Variants in ZNF541 observed in about 807,000 individuals in gnomAD.
ZNF541 encodes zinc finger protein 541.
A neutral mutation model predicts 123.5 loss-of-function variants in ZNF541; 23 were observed. That is an observed-to-expected ratio of 0.19 (90% CI 0.13 to 0.26). ZNF541 has a LOEUF of 0.26. Ranked by LOEUF, ZNF541 falls within the 10% of genes least tolerant of loss-of-function variation. The probability of loss-of-function intolerance (pLI) is 1.00; values close to 1 mark genes in which losing one functional copy is unlikely to be tolerated. For missense variants in ZNF541, 1,612 were observed against 1,789.9 expected (o/e 0.90, Z 1.79); for synonymous variants, 751 against 754.5 (o/e 1.00, Z 0.08).
intron 2 of ZNF541, among the ~76,000 whole-genome samples, chr19:47,571,148 T>G (rs1318120860): frequency 6.6e-6 from 1 of 151,442 alleles, no homozygotes; most frequent in African/African-American, 2.4e-5. Context: ...AGTCTCGCTC[T>G]GTTGCCCAGG....
At chr19:47,546,526 CA>C (rs1362298602) in intron 4 of ZNF541, among the ~76,000 whole-genome samples, 1 of 150,912 alleles carries the variant, frequency 6.6e-6, no homozygotes, top group Non-Finnish European at 1.5e-5. Flanking sequence ...AACAAACAAA[CA>C]AATAAATAAA....
intron 2 of ZNF541, among the ~76,000 whole-genome samples, chr19:47,561,820 T>C (rs1971074846): frequency 1.3e-5 from 2 of 151,792 alleles, no homozygotes; most frequent in African/African-American, 2.4e-5. Context: ...AAGAACACAA[T>C]CTTTACAAAA....
In ZNF541 at chr19:47,538,251, T is replaced by C; in HGVS notation, c.2985A>G (p.Thr995=). 6.4e-7 allele frequency: 1 copy of C among 1,551,356 alleles called. No homozygotes were observed. The highest frequency in any genetic ancestry group is 8.7e-7 in the Non-Finnish European group (1 of 1,146,872). ...GGATGGGGCTGAGCATTGGGGGTGGTGTGTAGGGGGAGCACTGGAATAAGC... is the reference window on the plus strand; with the variant it reads ...GGATGGGGCTGAGCATTGGGGGTGGCGTGTAGGGGGAGCACTGGAATAAGC... ...LKGLFQCSPY[T]PPPMLSPIRE... The change falls in exon 9 of 17, where the codon ACA becomes ACG. Residue 995 remains threonine (T), a synonymous_variant. Coordinates refer to ENST00000391901, the MANE Select transcript of ZNF541 (RefSeq NM_001277075.3).
At chr19:47,550,665 A>C (rs1970561086) in intron 3 of ZNF541, among the ~76,000 whole-genome samples, 1 of 152,218 alleles carries the variant, frequency 6.6e-6, no homozygotes, top group African/African-American at 2.4e-5. Flanking sequence ...CAGTGTATAC[A>C]GGAGACAGCA....
intron 5 of ZNF541, among the ~76,000 whole-genome samples, chr19:47,542,229 G>A (rs1479441353): frequency 1.3e-5 from 2 of 152,170 alleles, no homozygotes; most frequent in Non-Finnish European, 2.9e-5. Flanking sequence ...GCCCTGGGGG[G>A]AGGGCGAGAT....
intron 5 of ZNF541, among the ~76,000 whole-genome samples, chr19:47,542,557 CAGG>C (rs1970127102): frequency 6.6e-6 from 1 of 151,928 alleles, no homozygotes; most frequent in South Asian, 2.1e-4. Context: ...AAGGCCCAGG[CAGG>C]AGAATTGCTT....
chr19:47,559,991 G>A (rs983436569), intron 2 of ZNF541, among the ~76,000 whole-genome samples: 5 of 152,146 alleles, frequency 3.3e-5, no homozygotes, highest in African/African-American at 1.2e-4. Context: ...TGGGTTCCCT[G>A]GTGCTGGAGG....
At chr19:47,525,792 T>G (rs1375598503) in intron 14 of ZNF541, among the ~76,000 whole-genome samples, 1 of 152,044 alleles carries the variant, frequency 6.6e-6, no homozygotes, top group Non-Finnish European at 1.5e-5. Flanking sequence ...GGCATGTGCC[T>G]GTAGTCGCAG....
intron 2 of ZNF541, among the ~76,000 whole-genome samples, chr19:47,571,383 A>T (rs974224108): frequency 6.6e-6 from 1 of 152,218 alleles, no homozygotes; most frequent in African/African-American, 2.4e-5. Flanking sequence ...TACAGGCATG[A>T]GCCACTGCGC....
chr19:47,541,679 G>GA (rs1344296658), intron 5 of ZNF541, among the ~76,000 whole-genome samples: 1 of 152,170 alleles, frequency 6.6e-6, no homozygotes, highest in Non-Finnish European at 1.5e-5. Context: ...CAGCCACGGG[G>GA]AAATACAAAT....
At position 47,555,779 on chromosome 19, in the gene ZNF541, C is replaced by T. The variant is rs571079552; in HGVS notation, c.78G>A (p.Gly26=). 1 of 1,551,678 alleles carries T rather than the reference C, an allele frequency of 6.4e-7. No homozygotes were observed. The highest frequency in any genetic ancestry group is 8.7e-7 in the Non-Finnish European group (1 of 1,147,002). Residue 26 remains glycine, a synonymous_variant, in exon 3 of 17, where the codon GGG becomes GGA. Coordinates refer to ENST00000391901, the MANE Select transcript of ZNF541 (RefSeq NM_001277075.3). ...GGTTGAGGGTGTCGCTGCAGTTGAG[C>T]CCTTGGCTCTCTGAAAATGAAGGGA... ...MHLPSFSESQ[G]LNCSDTLNRD...
At chr19:47,550,900 T>A (rs1970570502) in intron 3 of ZNF541, among the ~76,000 whole-genome samples, 1 of 152,230 alleles carries the variant, frequency 6.6e-6, no homozygotes, top group Admixed American at 6.5e-5. Context: ...ACATAGGGTT[T>A]GGCCTTGCTC....
At chr19:47,554,919 C>A (rs1970751004) in intron 3 of ZNF541, among the ~76,000 whole-genome samples, 1 of 151,956 alleles carries the variant, frequency 6.6e-6, no homozygotes. Context: ...TATGATGAAA[C>A]CCCATCTCTA....
chr19:47,526,608 G>A (rs1301515474), intron 14 of ZNF541, among the ~76,000 whole-genome samples: 1 of 151,958 alleles, frequency 6.6e-6, no homozygotes, highest in Non-Finnish European at 1.5e-5. Context: ...GCTCAGCATC[G>A]TCAGTTGTGA....
intron 2 of ZNF541, among the ~76,000 whole-genome samples, chr19:47,566,036 G>A (rs886513292): frequency 2.0e-5 from 3 of 152,136 alleles, no homozygotes; most frequent in Admixed American, 1.3e-4. Context: ...AATTAGCCGC[G>A]CATGGTGGTG....
intron 4 of ZNF541, among the ~76,000 whole-genome samples, chr19:47,547,828 C>A (rs1970419012): frequency 6.6e-6 from 1 of 151,994 alleles, no homozygotes; most frequent in South Asian, 2.1e-4. Context: ...AATCCCAGCA[C>A]TTTGGGGAGG....
chr19:47,541,377 A>G (rs1043065887), intron 5 of ZNF541, among the ~76,000 whole-genome samples: 1 of 152,114 alleles, frequency 6.6e-6, no homozygotes, highest in Admixed American at 6.6e-5. Context: ...TGATCGTACA[A>G]CTTCACTCCA....
intron 2 of ZNF541, among the ~76,000 whole-genome samples, chr19:47,569,996 C>T (rs1263580312): frequency 6.6e-6 from 1 of 152,074 alleles, no homozygotes; most frequent in Admixed American, 6.6e-5. Flanking sequence ...TTTCTCTGGC[C>T]GGGCACGGTG....
At position 47,521,800 on chromosome 19, in the gene ZNF541, G is replaced by A; in HGVS notation, c.3711+54C>T. 1 of 1,539,130 alleles carries A rather than the reference G, an allele frequency of 6.5e-7. No homozygotes were observed. Among genetic ancestry groups the A allele is most frequent in the Non-Finnish European group, 8.8e-7 (1 of 1,139,482 alleles). The stretch of plus-strand genomic sequence containing the variant: ...CTGACCCCACCGTCCAACTCAACGG[G>A]TAGCAGGCACTGGGAGGAGAGAAGA... On this transcript the variant is annotated intron_variant, in intron 15 of 16. Transcript: ENST00000391901. The surrounding 1 kb of genome is among the most constrained non-coding windows in gnomAD (Gnocchi z 4.2).
Sources: allele counts gnomAD v4.1 joint callset (sites outside exome capture counted in the v4.1 genomes callset), GRCh38; gene constraint gnomAD v4.1.1; non-coding constraint Gnocchi (gnomAD v3.1); transcripts MANE v1.5; gene names NCBI Gene and HGNC (gene_info 2026-07-23, HGNC 2026-07-21).